MTCL2: variants seen among roughly 807,000 people sequenced by gnomAD.
MTCL2 encodes the protein microtubule crosslinking factor 2.
the MTCL2 span, among the ~76,000 whole-genome samples, chr20:36,842,860 G>A: frequency 1.9e-4 from 29 of 152,310 alleles, no homozygotes; most frequent in African/African-American, 5.8e-4. Context: ...CACCGAGGAT[G>A]GCAGTGATGG....
chr20:36,817,038 A>T, the MTCL2 span, among the ~76,000 whole-genome samples: 1 of 152,020 alleles, frequency 6.6e-6, no homozygotes, highest in Non-Finnish European at 1.5e-5. Flanking sequence ...AGGCCGAGGC[A>T]GGTGGATTGC....
chr20:36,838,052 G>GT, the MTCL2 span, among the ~76,000 whole-genome samples: 334 of 139,588 alleles, frequency 2.4e-3, 1 homozygote, highest in South Asian at 6.0e-3. Flanking sequence ...ACTTCTCTTT[G>GT]TTTTTTTTTT....
At chr20:36,848,920 AAAT>A in the MTCL2 span, among the ~76,000 whole-genome samples, 1 of 152,198 alleles carries the variant, frequency 6.6e-6, no homozygotes, top group African/African-American at 2.4e-5. Context: ...AAAAATGTCA[AAAT>A]ATTATTTACA....
the MTCL2 span, among the ~76,000 whole-genome samples, chr20:36,837,723 G>A: frequency 6.6e-6 from 1 of 151,664 alleles, no homozygotes; most frequent in African/African-American, 2.4e-5. Flanking sequence ...ATTACAGGCG[G>A]GAACCACCAC....
chr20:36,790,158 AC>A, the MTCL2 span, among the ~76,000 whole-genome samples: 1 of 148,182 alleles, frequency 6.7e-6, no homozygotes, highest in African/African-American at 2.5e-5. Flanking sequence ...CGCCTGGCTA[AC>A]TTTTTGTATT....
At chr20:36,835,917 G>T in the MTCL2 span, among the ~76,000 whole-genome samples, 1 of 152,138 alleles carries the variant, frequency 6.6e-6, no homozygotes, top group Non-Finnish European at 1.5e-5. Context: ...CTAGCTCCAG[G>T]TCCCAGCCTC....
the MTCL2 span, chr20:36,785,989 G>A: frequency 7.1e-6 from 7 of 986,688 alleles, no homozygotes; most frequent in Admixed American, 6.1e-5. Flanking sequence ...GCCCAACAGG[G>A]CTCCACCAGG....
chr20:36,844,459 C>A, the MTCL2 span, among the ~76,000 whole-genome samples: 10 of 151,340 alleles, frequency 6.6e-5, no homozygotes, highest in Admixed American at 5.3e-4. Flanking sequence ...CCAAATAGGC[C>A]GTGACTTTAA....
At chr20:36,818,542 G>T in the MTCL2 span, among the ~76,000 whole-genome samples, 1 of 152,220 alleles carries the variant, frequency 6.6e-6, no homozygotes, top group African/African-American at 2.4e-5. Context: ...GCTCATGCCT[G>T]TAATCCCAGT....
the MTCL2 span, among the ~76,000 whole-genome samples, chr20:36,833,843 C>T: frequency 4.7e-3 from 703 of 150,606 alleles, 3 homozygotes; most frequent in African/African-American, 0.016. Context: ...CAAAGAGAGA[C>T]TATGTTTCAA....
chr20:36,797,320 T>A, the MTCL2 span, among the ~76,000 whole-genome samples: 2 of 148,638 alleles, frequency 1.3e-5, no homozygotes, highest in South Asian at 4.3e-4. Flanking sequence ...GGTGGTTGGG[T>A]TTTTTTTTTA....
chr20:36,835,727 G>C, the MTCL2 span, among the ~76,000 whole-genome samples: 1 of 152,252 alleles, frequency 6.6e-6, no homozygotes, highest in African/African-American at 2.4e-5. Flanking sequence ...CAGCTGCAGC[G>C]TGGGGAGAGG....
At chr20:36,843,988 A>C in the MTCL2 span, among the ~76,000 whole-genome samples, 1 of 152,232 alleles carries the variant, frequency 6.6e-6, no homozygotes, top group Non-Finnish European at 1.5e-5. Flanking sequence ...CTGTAATCCC[A>C]GCACTTTGGG....
the MTCL2 span, chr20:36,859,455 C>T: frequency 3.0e-6 from 2 of 661,826 alleles, no homozygotes; most frequent in Non-Finnish European, 4.3e-6. Context: ...GCAGCCACCA[C>T]ATCAATCTCC....
At chr20:36,817,533 A>C in the MTCL2 span, 6 of 1,463,620 alleles carry the variant, frequency 4.1e-6, no homozygotes, top group Non-Finnish European at 5.5e-6. Flanking sequence ...AGAATGATGC[A>C]CATGCAGAGA....
At chr20:36,805,291 T>C in the MTCL2 span, among the ~76,000 whole-genome samples, 1 of 152,160 alleles carries the variant, frequency 6.6e-6, no homozygotes, top group Non-Finnish European at 1.5e-5. Context: ...CTCCCTCAGT[T>C]TGCCTGATTC....
At chr20:36,840,289 T>C in the MTCL2 span, among the ~76,000 whole-genome samples, 2 of 151,162 alleles carry the variant, frequency 1.3e-5, no homozygotes, top group Non-Finnish European at 3.0e-5. Context: ...CTCAGCCTCC[T>C]GAGTAGCTGG....
At chr20:36,857,730 G>A in the MTCL2 span, among the ~76,000 whole-genome samples, 5 of 152,158 alleles carry the variant, frequency 3.3e-5, no homozygotes, top group South Asian at 4.1e-4. Context: ...AGCCTACTAC[G>A]TGGCCACTGG....
chr20:36,819,442 G>C, the MTCL2 span, among the ~76,000 whole-genome samples: 1 of 152,018 alleles, frequency 6.6e-6, no homozygotes, highest in East Asian at 1.9e-4. Context: ...AGAGGGGCAG[G>C]GACTTGTCCA....
Sources: gnomAD v4.1 joint callset for allele counts (sites outside exome capture counted in the v4.1 genomes callset) on GRCh38, gnomAD v4.1.1 for gene constraint, MANE v1.5 for transcripts, NCBI Gene and HGNC (gene_info 2026-07-23, HGNC 2026-07-21) for gene names.